The following DCLK1 variants were observed in gnomAD, a reference collection of about 807,000 sequenced individuals.
The protein encoded by DCLK1 is serine/threonine-protein kinase DCLK1.
In DCLK1, 16 loss-of-function variants were observed where a neutral mutation model predicts 86.2. The observed-to-expected ratio is 0.19, with a 90% CI of 0.13 to 0.28. The LOEUF (loss-of-function observed/expected upper bound fraction) is 0.28, where lower values mean the gene tolerates loss of function less well. Ranked by LOEUF, DCLK1 falls within the 10% of genes least tolerant of loss-of-function variation. DCLK1 has a pLI of 1.00. For missense variants in DCLK1, 590 were observed against 940.2 expected (o/e 0.63, Z 4.87); for synonymous variants, 369 against 370.5 (o/e 1.00, Z 0.05).
At chr13:35,930,203 C>T (rs1042429368) in intron 4 of DCLK1, among the ~76,000 whole-genome samples, 1 of 152,192 alleles carries the variant, frequency 6.6e-6, no homozygotes, top group African/African-American at 2.4e-5. Flanking sequence ...CTTTCCAGAA[C>T]GTTTTTGTTT....
At chr13:36,118,962 C>G (rs897594623) in intron 2 of DCLK1, among the ~76,000 whole-genome samples, 5 of 152,166 alleles carry the variant, frequency 3.3e-5, no homozygotes, top group Non-Finnish European at 7.3e-5. Context: ...GAATCCCATT[C>G]ATAAAAGCTC....
intron 5 of DCLK1, among the ~76,000 whole-genome samples, chr13:35,867,917 G>GAAAGAA (rs1871942439): frequency 8.5e-6 from 1 of 117,612 alleles, no homozygotes; most frequent in African/African-American, 3.5e-5. Context: ...GAAAAAGAAA[G>GAAAGAA]AAAGAAAGAA....
chr13:36,025,149 G>A (rs138914925), intron 3 of DCLK1, among the ~76,000 whole-genome samples: 1 of 152,116 alleles, frequency 6.6e-6, no homozygotes, highest in African/African-American at 2.4e-5. Flanking sequence ...TGTATTTTTA[G>A]TAGAGATAAG....
intron 11 of DCLK1, among the ~76,000 whole-genome samples, chr13:35,816,249 G>T (rs544462610): frequency 6.6e-6 from 1 of 152,132 alleles, no homozygotes; most frequent in East Asian, 1.9e-4. Flanking sequence ...CACTATAGAC[G>T]AAAAGGAACT....
chr13:35,946,673 C>T (rs930766309), intron 4 of DCLK1, among the ~76,000 whole-genome samples: 2 of 152,192 alleles, frequency 1.3e-5, no homozygotes, highest in South Asian at 4.1e-4. Flanking sequence ...AGAAGGGCTA[C>T]AATAATCTTT....
intron 3 of DCLK1, among the ~76,000 whole-genome samples, chr13:36,060,677 A>G (rs1404015881): frequency 6.6e-6 from 1 of 152,210 alleles, no homozygotes; most frequent in Non-Finnish European, 1.5e-5. Context: ...TTAATAATGA[A>G]TTAAATGAGT....
At chr13:35,974,152 G>A (rs1238459619) in intron 3 of DCLK1, among the ~76,000 whole-genome samples, 1 of 152,196 alleles carries the variant, frequency 6.6e-6, no homozygotes, top group Admixed American at 6.5e-5. Flanking sequence ...CATTCGTTGA[G>A]CATTTGTTAT....
chr13:35,823,012 C>CT (rs2087433693), intron 10 of DCLK1, 137 bp from the exon 11 acceptor site: 1 of 1,062,428 alleles, frequency 9.4e-7, no homozygotes, highest in South Asian at 1.6e-5. Flanking sequence ...TTTCCTGCTA[C>CT]TTTCCTTTCA....
intron 8 of DCLK1, among the ~76,000 whole-genome samples, chr13:35,829,731 G>A (rs888920941): frequency 3.9e-5 from 6 of 152,192 alleles, no homozygotes; most frequent in African/African-American, 1.4e-4. Context: ...ACAAGATGAT[G>A]ACTTCGAAGC....
chr13:35,829,697 T>C (rs558664516), intron 8 of DCLK1, among the ~76,000 whole-genome samples: 2 of 152,378 alleles, frequency 1.3e-5, no homozygotes, highest in Non-Finnish European at 2.9e-5. Context: ...CACTGAATTA[T>C]GATTCTATCT....
chr13:36,100,997 C>T (rs986679241), intron 3 of DCLK1, among the ~76,000 whole-genome samples: 3 of 152,134 alleles, frequency 2.0e-5, no homozygotes, highest in South Asian at 2.1e-4. Context: ...CACATCTTTC[C>T]GGGCATCGTC....
chr13:36,071,793 TG>T (rs1240378298), intron 3 of DCLK1, among the ~76,000 whole-genome samples: 4 of 152,178 alleles, frequency 2.6e-5, no homozygotes, highest in African/African-American at 9.7e-5. Flanking sequence ...ATAAAGTGCA[TG>T]GTCCTTACCA....
At chr13:35,776,742 T>C (rs1346592615) in intron 16 of DCLK1, among the ~76,000 whole-genome samples, 1 of 152,228 alleles carries the variant, frequency 6.6e-6, no homozygotes, top group African/African-American at 2.4e-5. Context: ...AGAAAAGCAA[T>C]GTGCACAAAG....
At chr13:35,899,378 A>G (rs1463308087) in intron 4 of DCLK1, among the ~76,000 whole-genome samples, 1 of 151,416 alleles carries the variant, frequency 6.6e-6, no homozygotes, top group South Asian at 2.1e-4. Flanking sequence ...TGAGAGAGAG[A>G]GAGAGAGAGA....
rs202188144 is a variant in DCLK1 at position 36,095,169 on chromosome 13, C to G, written c.723+16700G>C. On this transcript the variant is annotated intron_variant, in intron 3 of 16. Transcript: ENST00000360631. ...CTCTGATATCTCTCTATCTCTCTCTCTTTGTTTTTTTTTTTTGTTTTTTTT... is the reference window on the plus strand; with the variant it reads ...CTCTGATATCTCTCTATCTCTCTCTGTTTGTTTTTTTTTTTTGTTTTTTTT... Among the ~76,000 whole-genome samples the G allele has an allele frequency of 5.4e-4, 77 of 141,610 alleles. 1 individual carries two copies. The highest frequency in any genetic ancestry group is 2.0e-3 in the African/African-American group (74 of 36,562). The allele number at this position is 141,610 out of a possible 152,430, so 92.9% of individuals were successfully genotyped here.
chr13:35,868,028 T>C (rs1259341169), intron 5 of DCLK1, among the ~76,000 whole-genome samples: 1 of 147,588 alleles, frequency 6.8e-6, no homozygotes, highest in East Asian at 2.0e-4. Flanking sequence ...AGCTCTTTTT[T>C]TTTTTTTTTT....
At chr13:35,833,293 A>T (rs113116922) in intron 8 of DCLK1, among the ~76,000 whole-genome samples, 147 of 152,266 alleles carry the variant, frequency 9.7e-4, no homozygotes, top group African/African-American at 3.3e-3. Flanking sequence ...TCGTGTAGTT[A>T]TTAGTCCACA....
chr13:35,868,191 T>A (rs1301228569), intron 5 of DCLK1, among the ~76,000 whole-genome samples: 1 of 151,836 alleles, frequency 6.6e-6, no homozygotes, highest in South Asian at 2.1e-4. Flanking sequence ...CCCGGCTAAT[T>A]TTTTGTATTT....
intron 3 of DCLK1, among the ~76,000 whole-genome samples, chr13:36,104,203 G>C (rs970006350): frequency 7.2e-5 from 11 of 152,140 alleles, no homozygotes; most frequent in Admixed American, 6.5e-4. Flanking sequence ...GCTCCTATAT[G>C]GCCATGACCC....
Sources: gnomAD v4.1 joint callset for allele counts (sites outside exome capture counted in the v4.1 genomes callset) on GRCh38, gnomAD v4.1.1 for gene constraint, MANE v1.5 for transcripts, NCBI Gene and HGNC (gene_info 2026-07-23, HGNC 2026-07-21) for gene names.